Variants in TACC1 observed in about 807,000 individuals in gnomAD.
TACC1 encodes the protein transforming acidic coiled-coil-containing protein 1.
In TACC1, 48 loss-of-function variants were observed where a neutral mutation model predicts 84.4. The observed-to-expected ratio is 0.57, with a 90% CI of 0.45 to 0.72. TACC1 has a LOEUF of 0.72. TACC1 is among the 30% of genes least tolerant of loss of function. The probability of loss-of-function intolerance (pLI) is 0.00; values close to 1 mark genes in which losing one functional copy is unlikely to be tolerated. For missense variants in TACC1, 920 were observed against 973.0 expected, an observed-to-expected ratio of 0.95 and a Z score of 0.72; for synonymous variants, 372 against 376.3, an observed-to-expected ratio of 0.99 and a Z score of 0.13.
intron 3 of TACC1, among the ~76,000 whole-genome samples, chr8:38,758,821 G>A (rs1728125010): frequency 6.6e-6 from 1 of 151,586 alleles, no homozygotes; most frequent in African/African-American, 2.4e-5. Flanking sequence ...CATTTTACTG[G>A]TGAGGGAACT....
chr8:38,760,423 T>C (rs1172041057), intron 3 of TACC1, among the ~76,000 whole-genome samples: 1 of 152,182 alleles, frequency 6.6e-6, no homozygotes, highest in Non-Finnish European at 1.5e-5. Context: ...TGGGTTGTAA[T>C]CCCAGCTAGA....
intron 12 of TACC1, 107 bp from the exon 13 acceptor site, chr8:38,847,848 T>C: frequency 1.2e-6 from 1 of 841,064 alleles, no homozygotes; most frequent in Non-Finnish European, 1.9e-6. Context: ...AATCACTGAA[T>C]TAGGATGTCT....
intron 3 of TACC1, among the ~76,000 whole-genome samples, chr8:38,767,872 C>G (rs567674946): frequency 6.6e-6 from 1 of 152,076 alleles, no homozygotes; most frequent in Non-Finnish European, 1.5e-5. Context: ...TGGGACCAGT[C>G]TGGGCAACAT....
intron 7 of TACC1, among the ~76,000 whole-genome samples, chr8:38,837,802 T>G (rs1214155817): frequency 6.6e-6 from 1 of 152,358 alleles, no homozygotes; most frequent in Non-Finnish European, 1.5e-5. Flanking sequence ...AGGCTGCCCA[T>G]GCAAGCCCAG....
intron 11 of TACC1, 128 bp from the exon 12 acceptor site, chr8:38,846,571 T>TC (rs1832342415): frequency 1.6e-5 from 19 of 1,156,074 alleles, no homozygotes; most frequent in Non-Finnish European, 2.2e-5. Context: ...TTGTTTTTTT[T>TC]CTCTCATGCA....
At chr8:38,787,070 C>T, upstream of TACC1, 1 of 947,002 alleles carries the variant, frequency 1.1e-6, no homozygotes, top group Non-Finnish European at 1.3e-6. Context: ...GGGCCGCGAC[C>T]AGCGTGACGC....
In TACC1 at chr8:38,745,377, C is replaced by T. The variant is rs1013364712; in HGVS notation, c.-91C>T. 6 of 611,372 alleles carry T rather than the reference C, an allele frequency of 9.8e-6. No homozygotes were observed. In the Admixed American group the frequency reaches 1.8e-4, roughly 18 times the overall value. 37.9% of individuals were successfully genotyped at this position (611,372 alleles called of 1,614,324 possible). On this transcript the variant is annotated 5_prime_UTR_variant, in exon 3 of 15. Transcript: ENST00000518415. The stretch of plus-strand genomic sequence containing the variant: ...TTCACAACCTAGCATTCATCATATC[C>T]AAGATTGAAACCCAAATTATGGGAC...
At chr8:38,733,612 A>G (rs1370247767) in intron 1 of TACC1, among the ~76,000 whole-genome samples, 1 of 151,956 alleles carries the variant, frequency 6.6e-6, no homozygotes, top group East Asian at 1.9e-4. Context: ...TTTCAGAACA[A>G]TTCCTAGCAC....
chr8:38,813,427 A>G (rs1824702631), intron 2 of TACC1, among the ~76,000 whole-genome samples: 1 of 152,210 alleles, frequency 6.6e-6, no homozygotes, highest in South Asian at 2.1e-4. Context: ...TTGGTTCAAT[A>G]AGATAGTCCC....
intron 3 of TACC1, among the ~76,000 whole-genome samples, chr8:38,764,938 A>C (rs1811941689): frequency 6.6e-6 from 1 of 152,142 alleles, no homozygotes; most frequent in African/African-American, 2.4e-5. Flanking sequence ...GTCTGTACTA[A>C]AAATACAAAA....
At chr8:38,825,593 T>G (rs780649976) in intron 4 of TACC1, among the ~76,000 whole-genome samples, 16 of 152,260 alleles carry the variant, frequency 1.1e-4, no homozygotes, top group Non-Finnish European at 2.1e-4. Context: ...ATTCCCACTT[T>G]AAATGCTACA....
Position 38,836,175 on chromosome 8 carries a change from C to A in TACC1, c.1727C>A (p.Ser576Tyr). 1 of 1,613,462 alleles carries A rather than the reference C, an allele frequency of 6.2e-7. No individual in the cohort carries two copies. The highest frequency in any genetic ancestry group is 8.5e-7 in the Non-Finnish European group (1 of 1,179,790). Residue 576 changes from serine to tyrosine, a missense_variant, in exon 7 of 13, where the codon TCC becomes TAC. Physicochemically the swap from Ser to Tyr is moderately radical, Grantham distance 144 (BLOSUM62 -2). Transcript: ENST00000317827. ...CTTTCCCCACAGGGGCTGCTGGAGT[C>A]CTCTGCAGAGAAGGCCCCTGTGTCG... ...DGSTVLGLLE[S>Y]SAEKAPVSVS...
intron 9 of TACC1, chr8:38,840,480 C>T (rs1329201733): frequency 2.3e-6 from 1 of 426,750 alleles, no homozygotes; most frequent in Non-Finnish European, 4.3e-6. Context: ...TCTGGGGTCT[C>T]TTTTATAAGG....
chr8:38,828,709 A>G (rs1169484046), intron 5 of TACC1, among the ~76,000 whole-genome samples: 1 of 152,146 alleles, frequency 6.6e-6, no homozygotes, highest in Non-Finnish European at 1.5e-5. Context: ...GCTTCAGGAA[A>G]GGGGGCAGGA....
At chr8:38,829,019 AT>A (rs1828712343) in intron 5 of TACC1, among the ~76,000 whole-genome samples, 1 of 152,214 alleles carries the variant, frequency 6.6e-6, no homozygotes, top group Admixed American at 6.5e-5. Flanking sequence ...GAAGCCTCTT[AT>A]TGATGGACTC....
At chr8:38,802,881 A>C (rs1821730667) in intron 2 of TACC1, among the ~76,000 whole-genome samples, 1 of 152,224 alleles carries the variant, frequency 6.6e-6, no homozygotes, top group Admixed American at 6.5e-5. Context: ...GCCGTTCATG[A>C]GGGATCCACC....
chr8:38,813,485 C>T (rs1652133193), intron 2 of TACC1, among the ~76,000 whole-genome samples: 1 of 152,186 alleles, frequency 6.6e-6, no homozygotes, highest in South Asian at 2.1e-4. Context: ...ACCCTCAGTG[C>T]ATTTTACTCA....
At chr8:38,733,846 A>G (rs1380285267) in intron 1 of TACC1, among the ~76,000 whole-genome samples, 1 of 152,208 alleles carries the variant, frequency 6.6e-6, no homozygotes, top group African/African-American at 2.4e-5. Context: ...GGGCGTGTTT[A>G]TAACAAGAAT....
intron 6 of TACC1, among the ~76,000 whole-genome samples, chr8:38,831,526 C>T (rs1829244741): frequency 6.6e-6 from 1 of 152,132 alleles, no homozygotes; most frequent in Non-Finnish European, 1.5e-5. Context: ...GAGACAGTCT[C>T]ACTCTGTTCC....
Sources: gnomAD v4.1 joint callset for allele counts (sites outside exome capture counted in the v4.1 genomes callset) on GRCh38, gnomAD v4.1.1 for gene constraint, MANE v1.5 for transcripts, NCBI Gene and HGNC (gene_info 2026-07-23, HGNC 2026-07-21) for gene names.